ARHGEF10: variants seen among roughly 807,000 people sequenced by gnomAD.
ARHGEF10 encodes Rho guanine nucleotide exchange factor 10.
Under a neutral mutation model 147.4 loss-of-function variants are expected in ARHGEF10, and 140 were observed. The observed-to-expected ratio is 0.95, with a 90% CI of 0.83 to 1.09. The LOEUF is 1.09. Among genes scored for constraint, ARHGEF10 ranks in the 50% least tolerant of loss-of-function variants. ARHGEF10 has a pLI of 0.00. For missense variants in ARHGEF10, 2,222 were observed against 1,752.7 expected (o/e 1.27, Z -4.78); for synonymous variants, 902 against 695.8 (o/e 1.30, Z -4.67).
intron 1 of ARHGEF10, among the ~76,000 whole-genome samples, chr8:1,838,305 C>G (rs1803714525): frequency 6.6e-6 from 1 of 152,258 alleles, no homozygotes; most frequent in Non-Finnish European, 1.5e-5. Context: ...TGTATTGGAG[C>G]ATTGTTAATT....
intron 26 of ARHGEF10, among the ~76,000 whole-genome samples, chr8:1,939,471 C>T (rs1585618110): frequency 2.0e-5 from 3 of 152,332 alleles, no homozygotes; most frequent in South Asian, 4.1e-4. Flanking sequence ...GGCAACACTC[C>T]CTCCAGGCCT....
chr8:1,936,881 C>T lies in ARHGEF10; in HGVS notation c.3222+2939C>T, dbSNP rs77267684. On this transcript the variant is annotated intron_variant, in intron 26 of 28. Transcript: ENST00000349830. ...CTTTGGCTTGCAGCACAGTGGGATG[C>T]GGGCTAATGCCGTCTTCAGCCAGGA... Among the ~76,000 whole-genome samples the T allele has an allele frequency of 1.4e-4, 21 of 152,260 alleles. No homozygotes were observed. The Middle Eastern group carries it at 0.01, about 74-fold the overall frequency.
intron 7 of ARHGEF10, 123 bp from the exon 8 acceptor site, chr8:1,876,448 C>T: frequency 1.9e-6 from 2 of 1,059,952 alleles, no homozygotes; most frequent in Non-Finnish European, 2.9e-6. Flanking sequence ...GCAGGGTCCT[C>T]AGCATGATTC....
intron 13 of ARHGEF10, 102 bp downstream of exon 13, chr8:1,894,674 A>G: frequency 1.5e-6 from 2 of 1,330,536 alleles, no homozygotes; most frequent in Non-Finnish European, 2.1e-6. Flanking sequence ...CTGCAAGCTG[A>G]CAAGTGTGCA....
intron 1 of ARHGEF10, among the ~76,000 whole-genome samples, chr8:1,834,355 G>A (rs149407942): frequency 1.3e-5 from 2 of 152,118 alleles, no homozygotes; most frequent in South Asian, 4.1e-4. Flanking sequence ...AAGATCCCAC[G>A]GAGACGGTCT....
intron 2 of ARHGEF10, among the ~76,000 whole-genome samples, chr8:1,848,693 A>G (rs58490108): frequency 0.13 from 20,390 of 152,234 alleles, 1,664 homozygotes; most frequent in African/African-American, 0.23. Flanking sequence ...AATATAGACA[A>G]GTCACGAAAA....
At chr8:1,949,975 C>T (rs1350032288) in intron 27 of ARHGEF10, among the ~76,000 whole-genome samples, 2 of 152,262 alleles carry the variant, frequency 1.3e-5, no homozygotes, top group East Asian at 3.9e-4. Flanking sequence ...GTTGTTTACA[C>T]CCCCAGCTTC....
In ARHGEF10 at chr8:1,905,660, A is replaced by G. The variant is rs1222847857; in HGVS notation, c.1911A>G (p.Lys637=). The G allele has an allele frequency of 6.2e-7, 1 of 1,614,230 alleles. No individual in the cohort carries two copies. The highest frequency in any genetic ancestry group is 8.5e-7 in the Non-Finnish European group (1 of 1,180,042). ...ACAGAGGAGAGATTGTTAAAACCAAAGAACGCCGAGTCTTCATGTTAAATG... is the reference window on the plus strand; with the variant it reads ...ACAGAGGAGAGATTGTTAAAACCAAGGAACGCCGAGTCTTCATGTTAAATG... ...YNDRGEIVKT[K]ERRVFMLNDV... Residue 637 remains lysine, a synonymous_variant, in exon 17 of 29, where the codon AAA becomes AAG. Transcript: ENST00000349830.
intron 18 of ARHGEF10, among the ~76,000 whole-genome samples, chr8:1,915,872 G>C (rs558898891): frequency 6.6e-6 from 1 of 152,238 alleles, no homozygotes; most frequent in Non-Finnish European, 1.5e-5. Flanking sequence ...CTAACGGCCT[G>C]TATAGCTGAC....
chr8:1,901,273 T>A (rs1377968550), intron 15 of ARHGEF10, among the ~76,000 whole-genome samples: 1 of 152,116 alleles, frequency 6.6e-6, no homozygotes, highest in Non-Finnish European at 1.5e-5. Flanking sequence ...GGAGACAGTG[T>A]GGAGAGGCCT....
intron 18 of ARHGEF10, among the ~76,000 whole-genome samples, chr8:1,911,601 G>A (rs961964838): frequency 2.0e-5 from 3 of 152,216 alleles, no homozygotes; most frequent in Admixed American, 2.0e-4. Flanking sequence ...CACCGTGCTT[G>A]GTGCTGGGAC....
At chr8:1,894,618 C>T (rs771887993) in intron 13 of ARHGEF10, 46 bp downstream of exon 13, 2 of 1,595,682 alleles carry the variant, frequency 1.3e-6, no homozygotes, top group Non-Finnish European at 1.7e-6. Context: ...TCTCCATGCA[C>T]CTGTCCTCTC....
chr8:1,945,425 G>A, intron 26 of ARHGEF10, 56 bp from the exon 27 acceptor site: 18 of 1,550,066 alleles, frequency 1.2e-5, no homozygotes, highest in Non-Finnish European at 1.6e-5. Flanking sequence ...GGACCCAACA[G>A]GCCCCACTCA....
At position 1,882,647 on chromosome 8, in the gene ARHGEF10, G is replaced by T; in HGVS notation, c.973G>T (p.Val325Leu). The T allele has an allele frequency of 1.3e-6, 2 of 1,553,950 alleles. No homozygotes were observed. Among genetic ancestry groups the T allele is most frequent in the Non-Finnish European group, 1.7e-6 (2 of 1,148,182 alleles). ...CTCTCCGTCGCAGATGCAGAAGCTC[G>T]TGAAGGCCGCGAAGGACGGCACCAA... is the stretch of plus-strand genomic sequence containing the variant. ...QKHELKMQKL[V>L]KAAKDGTKDG... Residue 325 changes from valine to leucine, a missense_variant, in exon 10 of 29, where the codon GTG becomes TTG. Transcript: ENST00000349830.
In ARHGEF10 at chr8:1,903,399, G is replaced by T. The variant is rs754440825; in HGVS notation, c.1769G>T (p.Arg590Leu). ...GAAAGAAAGAGAGATGCTGATCAAC[G>T]CTGTGAAGTGAAGCAAATAGCCAAA... is the stretch of plus-strand genomic sequence containing the variant. ...LNERKRDADQ[R>L]CEVKQIAKAI... The change falls in exon 16 of 29, where the codon CGC becomes CTC. Residue 590 changes from arginine (R) to leucine (L), a missense_variant. Transcript: ENST00000349830. The T allele has an allele frequency of 6.2e-7, 1 of 1,614,208 alleles. No individual in the cohort carries two copies. Among genetic ancestry groups the T allele is most frequent in the South Asian group, 1.1e-5 (1 of 91,082 alleles).
At chr8:1,860,602 A>T (rs1424495385) in intron 4 of ARHGEF10, among the ~76,000 whole-genome samples, 1 of 152,190 alleles carries the variant, frequency 6.6e-6, no homozygotes, top group Non-Finnish European at 1.5e-5. Context: ...TGACAGGAAC[A>T]CCACTGAGGG....
At chr8:1,939,271 C>T (rs1043121153) in intron 26 of ARHGEF10, among the ~76,000 whole-genome samples, 1 of 152,264 alleles carries the variant, frequency 6.6e-6, no homozygotes, top group Non-Finnish European at 1.5e-5. Context: ...CCATGCCCAA[C>T]ATCAGTGCTA....
intron 11 of ARHGEF10, among the ~76,000 whole-genome samples, chr8:1,893,091 G>GT (rs1809681360): frequency 4.6e-5 from 2 of 43,828 alleles, no homozygotes; most frequent in African/African-American, 4.1e-4. Flanking sequence ...AAAGATCTTT[G>GT]CAAAAAAAAA....
At chr8:1,850,690 C>G (rs1303063287) in intron 2 of ARHGEF10, among the ~76,000 whole-genome samples, 3 of 152,130 alleles carry the variant, frequency 2.0e-5, no homozygotes, top group East Asian at 3.9e-4. Context: ...CAGCCATGCC[C>G]CGGCGTATTT....
Sources: allele counts gnomAD v4.1 joint callset (sites outside exome capture counted in the v4.1 genomes callset), GRCh38; gene constraint gnomAD v4.1.1; transcripts MANE v1.5; gene names NCBI Gene and HGNC (gene_info 2026-07-23, HGNC 2026-07-21).